Variants in PLEKHA7 observed in about 807,000 individuals in gnomAD.
PLEKHA7 encodes the protein pleckstrin homology domain-containing family A member 7.
PLEKHA7 carries 104 observed loss-of-function variants against 170.0 expected under a neutral mutation model. The observed-to-expected ratio is 0.61, with a 90% CI of 0.52 to 0.72. The LOEUF (loss-of-function observed/expected upper bound fraction) is 0.72, where lower values mean the gene tolerates loss of function less well. Among genes scored for constraint, PLEKHA7 ranks in the 30% least tolerant of loss-of-function variants. The probability of loss-of-function intolerance (pLI) is 0.00; values close to 1 mark genes in which losing one functional copy is unlikely to be tolerated. For missense variants in PLEKHA7, 1,615 were observed against 1,671.7 expected, an observed-to-expected ratio of 0.97 and a Z score of 0.59; for synonymous variants, 648 against 660.8, an observed-to-expected ratio of 0.98 and a Z score of 0.30.
intron 3 of PLEKHA7, among the ~76,000 whole-genome samples, chr11:16,933,319 G>A (rs530498709): frequency 6.6e-6 from 1 of 152,234 alleles, no homozygotes; most frequent in Non-Finnish European, 1.5e-5. Flanking sequence ...TCTGACTACA[G>A]TTCCATGCCA....
At chr11:16,915,707 G>A (rs2136196559) in intron 3 of PLEKHA7, among the ~76,000 whole-genome samples, 1 of 151,494 alleles carries the variant, frequency 6.6e-6, no homozygotes, top group South Asian at 2.1e-4. Context: ...ATTTTTTATG[G>A]CTGCATAATA....
In PLEKHA7 at chr11:16,789,479, GC is replaced by G; in HGVS notation, c.3157-184del. On this transcript the variant is annotated intron_variant, in intron 22 of 26. Coordinates refer to ENST00000531066, the MANE Select transcript of PLEKHA7 (RefSeq NM_001329630.2). The surrounding 1 kb of genome is among the most constrained non-coding windows in gnomAD (Gnocchi z 4.6). ...AACACGATGCCCCCAACCCTCAGGA[GC>G]TTTCTGAGTAGCACCCATTCTGCAG... 1 of 648,610 alleles carries G rather than the reference GC, an allele frequency of 1.5e-6. No homozygotes were observed. Among genetic ancestry groups the G allele is most frequent in the Non-Finnish European group, 2.7e-6 (1 of 376,852 alleles). 40.2% of individuals were successfully genotyped at this position (648,610 alleles called of 1,614,324 possible). A position where few individuals can be genotyped will look rare whatever the true frequency, so the allele number is the denominator to read the frequency against.
intron 3 of PLEKHA7, among the ~76,000 whole-genome samples, chr11:16,983,901 G>A (rs746228940): frequency 1.3e-5 from 2 of 152,120 alleles, no homozygotes; most frequent in East Asian, 3.9e-4. Context: ...AACATGGCAA[G>A]ACCCGGTCTC....
Position 16,803,397 on chromosome 11 carries a change from A to G in PLEKHA7, c.2008-102T>C, listed in dbSNP as rs565762423. The stretch of plus-strand genomic sequence containing the variant: ...AATGGATGGTGTGGAAGTCCTTGGC[A>G]GTGGCAGGTAGGGTCATAGTATGAG... On this transcript the variant is annotated intron_variant, in intron 13 of 26. Transcript: ENST00000531066. The G allele has an allele frequency of 6.0e-5, 72 of 1,205,078 alleles. 1 individual carries two copies. The South Asian group carries it at 8.3e-4, about 14-fold the overall frequency. 74.6% of individuals were successfully genotyped at this position (1,205,078 alleles called of 1,614,324 possible). A position where few individuals can be genotyped will look rare whatever the true frequency, so the allele number is the denominator to read the frequency against.
chr11:16,814,287 T>C (rs1463103968), intron 12 of PLEKHA7, among the ~76,000 whole-genome samples: 2 of 152,236 alleles, frequency 1.3e-5, no homozygotes, highest in Non-Finnish European at 1.5e-5. Context: ...TCACAACTGA[T>C]GATAGTTTTT....
At chr11:16,818,567 C>A (rs546391172) in intron 10 of PLEKHA7, among the ~76,000 whole-genome samples, 6 of 152,344 alleles carry the variant, frequency 3.9e-5, no homozygotes, top group South Asian at 2.1e-4. Flanking sequence ...CTGCCTGTAA[C>A]TTTTCCAAGG....
rs111448442 is a variant in PLEKHA7, at chr11:16,872,583, G to A, written c.222-1401C>T. On this transcript the variant is annotated intron_variant, in intron 3 of 26. Coordinates refer to ENST00000531066, the MANE Select transcript of PLEKHA7 (RefSeq NM_001329630.2). ...TGCCCAGGTGGGAATGCAGTGGGGTGATCATGGCTTGCTGCAGGCTCAAAC... is the reference window on the plus strand; with the variant it reads ...TGCCCAGGTGGGAATGCAGTGGGGTAATCATGGCTTGCTGCAGGCTCAAAC... Among the ~76,000 whole-genome samples, 772 of 152,034 alleles carry A rather than the reference G, an allele frequency of 5.1e-3. 3 individuals are homozygous for A. Among genetic ancestry groups the A allele is most frequent in the African/African-American group, 0.016 (678 of 41,466 alleles).
In PLEKHA7 at chr11:16,962,833, C is replaced by T. The variant is rs532553265; in HGVS notation, c.221+51156G>A. ...TTTCTAAGAATGTCTCATGTACCCA[C>T]ATCTCCCAGAAGCAACAACAACAAC... is the stretch of plus-strand genomic sequence containing the variant. On this transcript the variant is annotated intron_variant, in intron 3 of 26. Coordinates refer to ENST00000531066, the MANE Select transcript of PLEKHA7 (RefSeq NM_001329630.2). Among the ~76,000 whole-genome samples the T allele has an allele frequency of 2.0e-4, 30 of 152,336 alleles. No individual in the cohort carries two copies. The South Asian group carries it at 5.2e-3, about 26-fold the overall frequency.
intron 15 of PLEKHA7, among the ~76,000 whole-genome samples, chr11:16,802,656 T>A (rs1848674712): frequency 6.6e-6 from 1 of 152,142 alleles, no homozygotes; most frequent in Non-Finnish European, 1.5e-5. Flanking sequence ...CAAGCAATTC[T>A]TCTGCCTCAG....
At chr11:17,005,125 G>T (rs1357181999) in intron 3 of PLEKHA7, among the ~76,000 whole-genome samples, 1 of 152,192 alleles carries the variant, frequency 6.6e-6, no homozygotes, top group Admixed American at 6.5e-5. Flanking sequence ...TTAACGGGGG[G>T]GGTAAACTGG....
chr11:17,014,362 G>T lies in PLEKHA7; in HGVS notation c.40C>A (p.His14Asn). The change falls in exon 1 of 27, where the codon CAT (histidine) becomes AAT (asparagine). Residue 14 changes from histidine (H) to asparagine (N), a missense_variant. His to Asn is a moderately conservative substitution (Grantham distance 68). Coordinates refer to ENST00000531066, the MANE Select transcript of PLEKHA7 (RefSeq NM_001329630.2). ...TCCCGGCACACCCCGTAGGACCAAT[G>T]CTCAGGTAAAGTGTCCCGCCCGACC... ...ATVGRDTLPE[H>N]WSYGVCRDGR... The T allele has an allele frequency of 7.0e-7, 1 of 1,436,194 alleles. No homozygotes were observed. Among genetic ancestry groups the T allele is most frequent in the South Asian group, 1.4e-5 (1 of 69,090 alleles). The allele number at this position is 1,436,194 out of a possible 1,614,324, so 89.0% of individuals were successfully genotyped here. A position where few individuals can be genotyped will look rare whatever the true frequency, so the allele number is the denominator to read the frequency against.
chr11:16,929,159 C>G (rs1859757135), intron 3 of PLEKHA7, among the ~76,000 whole-genome samples: 1 of 150,770 alleles, frequency 6.6e-6, no homozygotes, highest in Non-Finnish European at 1.5e-5. Context: ...TGACCATGCC[C>G]TTCATATTCC....
intron 5 of PLEKHA7, 64 bp from the exon 6 acceptor site, chr11:16,855,057 A>G: frequency 2.9e-6 from 4 of 1,393,370 alleles, no homozygotes; most frequent in Non-Finnish European, 4.1e-6. Context: ...AAGCACTTGT[A>G]TGTTAGGAGG....
intron 3 of PLEKHA7, among the ~76,000 whole-genome samples, chr11:16,939,123 T>C (rs1860506019): frequency 6.6e-6 from 1 of 152,030 alleles, no homozygotes; most frequent in Non-Finnish European, 1.5e-5. Flanking sequence ...TGAAAAAATA[T>C]ACTATAAGCT....
chr11:16,782,687 G>T (rs550091779), intron 26 of PLEKHA7, 67 bp downstream of exon 26: 28 of 1,517,826 alleles, frequency 1.8e-5, no homozygotes, highest in Non-Finnish European at 2.5e-5. Flanking sequence ...AACAGGCCAT[G>T]CTGGGCCCAA....
Position 16,977,667 on chromosome 11 carries a change from A to G in PLEKHA7, c.221+36322T>C, listed in dbSNP as rs553818010. On this transcript the variant is annotated intron_variant, in intron 3 of 26. Coordinates refer to ENST00000531066, the MANE Select transcript of PLEKHA7 (RefSeq NM_001329630.2). ...ATCCTGCCCCAACTCAGAGCCTCCCACCCCTTTCCCATCATCCCAGTGCCA... is the reference window on the plus strand; with the variant it reads ...ATCCTGCCCCAACTCAGAGCCTCCCGCCCCTTTCCCATCATCCCAGTGCCA... Among the ~76,000 whole-genome samples, 65 of 151,864 alleles carry G rather than the reference A, an allele frequency of 4.3e-4. 1 individual carries two copies. Among genetic ancestry groups the G allele is most frequent in the African/African-American group, 1.5e-3 (64 of 41,430 alleles).
At chr11:16,939,734 C>G (rs1860550450) in intron 3 of PLEKHA7, among the ~76,000 whole-genome samples, 1 of 152,156 alleles carries the variant, frequency 6.6e-6, no homozygotes, top group Non-Finnish European at 1.5e-5. Context: ...TTCCCCAAAC[C>G]AATTAGCTTG....
intron 3 of PLEKHA7, among the ~76,000 whole-genome samples, chr11:17,011,529 C>T (rs1224322260): frequency 2.0e-5 from 3 of 152,216 alleles, no homozygotes; most frequent in African/African-American, 7.2e-5. Context: ...GTTTTATCTT[C>T]CACCTACTCC....
At chr11:16,781,774 G>A (rs1849038582) in intron 26 of PLEKHA7, among the ~76,000 whole-genome samples, 1 of 152,124 alleles carries the variant, frequency 6.6e-6, no homozygotes, top group South Asian at 2.1e-4. Flanking sequence ...AGACTCCCCA[G>A]GCCCAGGCAT....
Sources: allele counts gnomAD v4.1 joint callset (sites outside exome capture counted in the v4.1 genomes callset), GRCh38; gene constraint gnomAD v4.1.1; non-coding constraint Gnocchi (gnomAD v3.1); transcripts MANE v1.5; gene names NCBI Gene and HGNC (gene_info 2026-07-23, HGNC 2026-07-21).